The following KCNIP4 variants were observed in gnomAD, a reference collection of about 807,000 sequenced individuals.
KCNIP4 encodes the protein potassium voltage-gated channel interacting protein 4.
A neutral mutation model predicts 34.0 loss-of-function variants in KCNIP4; 12 were observed. The ratio of observed to expected loss-of-function variants is 0.35; its 90% CI spans 0.23 to 0.57. The LOEUF (loss-of-function observed/expected upper bound fraction) is 0.57, where lower values mean the gene tolerates loss of function less well. Among genes scored for constraint, KCNIP4 ranks in the 20% least tolerant of loss-of-function variants. The pLI, the probability that KCNIP4 is intolerant of heterozygous loss-of-function variation, is 0.83. For synonymous variants in KCNIP4, 124 were observed against 102.2 expected (o/e 1.21, Z -1.29); for missense variants, 238 against 311.7 (o/e 0.76, Z 1.78).
intron 1 of KCNIP4, among the ~76,000 whole-genome samples, chr4:21,473,492 T>A (rs560988160): frequency 7.2e-5 from 11 of 152,302 alleles, no homozygotes; most frequent in Middle Eastern, 3.4e-3. Context: ...AGAGTTTTTT[T>A]AAAAAATCTG....
chr4:20,942,142 T>A (rs922565681), intron 1 of KCNIP4, among the ~76,000 whole-genome samples: 1 of 152,188 alleles, frequency 6.6e-6, no homozygotes, highest in African/African-American at 2.4e-5. Context: ...CCACCCAGCA[T>A]AGCAATAATG....
At chr4:21,718,170 G>C (rs973291111) in intron 1 of KCNIP4, among the ~76,000 whole-genome samples, 3 of 152,168 alleles carry the variant, frequency 2.0e-5, no homozygotes, top group Non-Finnish European at 2.9e-5. Context: ...AAAGGAGTAT[G>C]TGTGCTCTCC....
chr4:21,312,210 G>A (rs149760801), intron 1 of KCNIP4, among the ~76,000 whole-genome samples: 1 of 152,280 alleles, frequency 6.6e-6, no homozygotes, highest in African/African-American at 2.4e-5. Context: ...GGAATTGGTA[G>A]CAAGAGTGTC....
chr4:21,039,221 A>G (rs1741731557), intron 1 of KCNIP4, among the ~76,000 whole-genome samples: 1 of 151,836 alleles, frequency 6.6e-6, no homozygotes, highest in Non-Finnish European at 1.5e-5. Flanking sequence ...AATTAGCTGG[A>G]CATGGTGGTG....
At chr4:21,589,196 ATATATG>A (rs201746186) in intron 1 of KCNIP4, among the ~76,000 whole-genome samples, 7,383 of 34,540 alleles carry the variant, frequency 0.21, 839 homozygotes, top group East Asian at 0.39. Context: ...ATATATATAT[ATATATG>A]TGTACATATA....
At chr4:21,333,434 T>C (rs1306730555) in intron 1 of KCNIP4, among the ~76,000 whole-genome samples, 2 of 152,004 alleles carry the variant, frequency 1.3e-5, no homozygotes, top group Admixed American at 1.3e-4. Flanking sequence ...CACACAGATA[T>C]ATATCTATAA....
rs1746918634 is a variant in KCNIP4 at position 20,728,948 on chromosome 4, C to CTAAATCATACTGTAATCTGGATTAG, written c.*1109_*1133dup. On this transcript the variant is annotated 3_prime_UTR_variant, in exon 9 of 9. Transcript: ENST00000382152. ...TAAAAATAATCTGAATTATGATGAG[C>CTAAATCATACTGTAATCTGGATTAG]TAAATCATACTGTAATCTGGATTAG... is the stretch of plus-strand genomic sequence containing the variant. 1 of 151,884 alleles carries CTAAATCATACTGTAATCTGGATTAG rather than the reference C, an allele frequency of 6.6e-6. No individual in the cohort carries two copies. The highest frequency in any genetic ancestry group is 1.5e-5 in the Non-Finnish European group (1 of 68,018). 9.4% of individuals were successfully genotyped at this position (151,884 alleles called of 1,614,324 possible). A position where few individuals can be genotyped will look rare whatever the true frequency, so the allele number is the denominator to read the frequency against.
intron 1 of KCNIP4, among the ~76,000 whole-genome samples, chr4:21,728,330 G>T (rs10034603): frequency 0.48 from 73,462 of 151,830 alleles, 19,160 homozygotes; most frequent in East Asian, 0.78. Flanking sequence ...CAAATAAGGC[G>T]TTTTCCTCCC....
At chr4:21,561,217 G>C (rs992698639) in intron 1 of KCNIP4, among the ~76,000 whole-genome samples, 1 of 151,972 alleles carries the variant, frequency 6.6e-6, no homozygotes, top group Non-Finnish European at 1.5e-5. Flanking sequence ...GAGCTTCAAA[G>C]TCCTCAGGAC....
chr4:21,660,851 T>C (rs1032463542), intron 1 of KCNIP4, among the ~76,000 whole-genome samples: 8 of 152,156 alleles, frequency 5.3e-5, no homozygotes, highest in Non-Finnish European at 1.5e-5. Flanking sequence ...CATTTTGACA[T>C]GGACAGGAGG....
rs115917798 is a variant in KCNIP4, at chr4:20,830,518, T to C, written c.288+20025A>G. Among the ~76,000 whole-genome samples, 1,108 of 152,296 alleles carry C rather than the reference T, an allele frequency of 7.3e-3. 14 individuals carry two copies. The highest frequency in any genetic ancestry group is 0.025 in the African/African-American group (1,054 of 41,568). On this transcript the variant is annotated intron_variant, in intron 3 of 8. Coordinates refer to ENST00000382152, the MANE Select transcript of KCNIP4 (RefSeq NM_025221.6). Reference sequence around the variant, plus strand: ...CTTATGGGAATCCTAGGCTGTGATTTTGAGATGGGAATTCAGAAGTTTCTG... The same window carrying C: ...CTTATGGGAATCCTAGGCTGTGATTCTGAGATGGGAATTCAGAAGTTTCTG...
chr4:20,742,649 T>G (rs1308608499), intron 5 of KCNIP4, among the ~76,000 whole-genome samples: 1 of 152,146 alleles, frequency 6.6e-6, no homozygotes, highest in Non-Finnish European at 1.5e-5. Context: ...CTTTGAAAAC[T>G]GGCACAAGAC....
At chr4:21,378,015 C>T (rs1721128457) in intron 1 of KCNIP4, among the ~76,000 whole-genome samples, 2 of 139,274 alleles carry the variant, frequency 1.4e-5, no homozygotes. Context: ...AAACCAATTT[C>T]ATCAATATCC....
intron 1 of KCNIP4, among the ~76,000 whole-genome samples, chr4:21,601,543 T>C (rs1743159448): frequency 6.6e-6 from 1 of 151,980 alleles, no homozygotes; most frequent in African/African-American, 2.4e-5. Context: ...CCCAACCCCC[T>C]AAGTGAATTT....
chr4:20,800,306 G>A (rs1309762213), intron 3 of KCNIP4, among the ~76,000 whole-genome samples: 1 of 152,200 alleles, frequency 6.6e-6, no homozygotes, highest in Non-Finnish European at 1.5e-5. Flanking sequence ...AAGCTACTCT[G>A]TAAAGTTTGG....
chr4:21,193,807 G>A (rs868405564), intron 1 of KCNIP4, among the ~76,000 whole-genome samples: 10 of 152,064 alleles, frequency 6.6e-5, no homozygotes, highest in African/African-American at 2.4e-4. Flanking sequence ...TCCTGACCTC[G>A]TGATCCACCC....
chr4:20,970,640 C>A (rs996307773), intron 1 of KCNIP4, among the ~76,000 whole-genome samples: 3 of 152,130 alleles, frequency 2.0e-5, no homozygotes, highest in Non-Finnish European at 2.9e-5. Context: ...GTCAATCAAC[C>A]TATAGTGCCG....
intron 3 of KCNIP4, among the ~76,000 whole-genome samples, chr4:20,779,442 C>T (rs1013878724): frequency 4.6e-4 from 70 of 152,056 alleles, no homozygotes; most frequent in African/African-American, 1.5e-3. Context: ...AAGTGGAAGA[C>T]AAATCATTCT....
At chr4:21,552,113 C>T (rs1738637673) in intron 1 of KCNIP4, among the ~76,000 whole-genome samples, 2 of 150,452 alleles carry the variant, frequency 1.3e-5, no homozygotes, top group African/African-American at 2.4e-5. Context: ...TTTTCAACAG[C>T]GATTAGGTAA....
Sources: gnomAD v4.1 joint callset for allele counts (sites outside exome capture counted in the v4.1 genomes callset) on GRCh38, gnomAD v4.1.1 for gene constraint, MANE v1.5 for transcripts, NCBI Gene and HGNC (gene_info 2026-07-23, HGNC 2026-07-21) for gene names.